Variants in RIN2 observed in about 807,000 individuals in gnomAD.
RIN2 encodes the protein Ras and Rab interactor 2.
In RIN2, 36 loss-of-function variants were observed where a neutral mutation model predicts 78.0. The observed-to-expected ratio is 0.46, with a 90% confidence interval of 0.35 to 0.61. The LOEUF (loss-of-function observed/expected upper bound fraction) is 0.61, where lower values mean the gene tolerates loss of function less well. RIN2 is among the 20% of genes least tolerant of loss of function. The pLI, the probability that RIN2 is intolerant of heterozygous loss-of-function variation, is 0.00. For missense variants in RIN2, 1,087 were observed against 1,159.7 expected (o/e 0.94, Z 0.91); for synonymous variants, 466 against 466.8 (o/e 1.00, Z 0.02).
At chr20:19,955,141 C>G (rs2041483101) in intron 4 of RIN2, among the ~76,000 whole-genome samples, 1 of 152,138 alleles carries the variant, frequency 6.6e-6, no homozygotes, top group African/African-American at 2.4e-5. Flanking sequence ...CTGGAGCCCA[C>G]TGATCTACTT....
chr20:19,829,434 G>A (rs752233292), intron 2 of RIN2, among the ~76,000 whole-genome samples: 1 of 152,182 alleles, frequency 6.6e-6, no homozygotes, highest in Non-Finnish European at 1.5e-5. Context: ...TGAGTTCACA[G>A]GAGCAACAGA....
intron 2 of RIN2, among the ~76,000 whole-genome samples, chr20:19,830,087 A>T (rs2036207274): frequency 6.6e-6 from 1 of 152,204 alleles, no homozygotes. Context: ...GATTTGGGGG[A>T]TACCCAAATG....
rs11476686 is a variant in RIN2 at position 19,911,056 on chromosome 20, ATT to A, written c.57+21408_57+21409del. On this transcript the variant is annotated intron_variant, in intron 3 of 12. Coordinates refer to ENST00000255006, the MANE Select transcript of RIN2 (RefSeq NM_018993.4). ...TATGCAGAATTATATAAATATGTAAATTTTTTTTTTTGAGACAAAGTTTCACT... is the reference window on the plus strand; with the variant it reads ...TATGCAGAATTATATAAATATGTAAATTTTTTTTTGAGACAAAGTTTCACT... Among the ~76,000 whole-genome samples, 12 of 149,108 alleles carry A rather than the reference ATT, an allele frequency of 8.0e-5. 1 individual carries two copies. Among genetic ancestry groups the A allele is most frequent in the East Asian group, 3.9e-4 (2 of 5,090 alleles).
At chr20:19,766,730 G>C (rs1477758847) in intron 1 of RIN2, among the ~76,000 whole-genome samples, 1 of 152,022 alleles carries the variant, frequency 6.6e-6, no homozygotes, top group African/African-American at 2.4e-5. Context: ...AGACCACCCT[G>C]GCCAATATGG....
chr20:19,907,129 G>T (rs1199606392), intron 3 of RIN2, among the ~76,000 whole-genome samples: 3 of 152,094 alleles, frequency 2.0e-5, no homozygotes, highest in Non-Finnish European at 4.4e-5. Flanking sequence ...AGAGAGAGAG[G>T]AAGGGCAGGA....
intron 2 of RIN2, among the ~76,000 whole-genome samples, chr20:19,885,211 AATAAAATAGC>A: frequency 6.7e-6 from 1 of 149,702 alleles, no homozygotes; most frequent in Non-Finnish European, 1.5e-5. Flanking sequence ...ACCTAAAGTA[AATAAAATAGC>A]ATAAAATAGG....
intron 1 of RIN2, among the ~76,000 whole-genome samples, chr20:19,795,420 G>A (rs536509893): frequency 2.8e-4 from 43 of 152,260 alleles, no homozygotes; most frequent in Non-Finnish European, 4.9e-4. Flanking sequence ...TTGACCAGTA[G>A]CATTTTGCCT....
intron 4 of RIN2, among the ~76,000 whole-genome samples, chr20:19,936,058 C>T (rs750183947): frequency 4.6e-5 from 7 of 152,152 alleles, no homozygotes; most frequent in Non-Finnish European, 1.0e-4. Flanking sequence ...GTTGTCCAGG[C>T]AAGTTTCAAA....
intron 4 of RIN2, among the ~76,000 whole-genome samples, chr20:19,941,770 C>A (rs887458213): frequency 2.6e-5 from 4 of 152,014 alleles, no homozygotes; most frequent in Admixed American, 6.6e-5. Flanking sequence ...GAGGGTTGAC[C>A]AACTCTTCGC....
In RIN2 at chr20:19,975,318, C is replaced by A. The variant is rs760422799; in HGVS notation, c.1293C>A (p.Asp431Glu). Residue 431 changes from aspartate (D) to glutamate (E), a missense_variant, in exon 9 of 13, where the codon GAC becomes GAA. This residue lies in a region of RIN2 where 706 missense variants were observed against 667.5 expected (regional missense o/e 1.06). Transcript: ENST00000255006. This position sits in a 1 kb window ranked among gnomAD's most constrained non-coding sequence, Gnocchi z 4.9. Reference sequence around the variant, plus strand: ...ATGGAGGCCGGCAGCGGCTGAGCGACATGAGCATTTCTACTTCCTCCTCCG... The same window carrying A: ...ATGGAGGCCGGCAGCGGCTGAGCGAAATGAGCATTTCTACTTCCTCCTCCG... Reference protein sequence around the residue: ...PCHGGRQRLSDMSISTSSSDS... With the variant: ...PCHGGRQRLSEMSISTSSSDS... The A allele has an allele frequency of 3.7e-6, 6 of 1,609,798 alleles. 1 individual carries two copies. In the South Asian group the frequency reaches 5.5e-5, roughly 15 times the overall value.
At chr20:19,844,629 T>TC (rs1555832206) in intron 2 of RIN2, among the ~76,000 whole-genome samples, 1 of 126,766 alleles carries the variant, frequency 7.9e-6, no homozygotes, top group African/African-American at 3.8e-5. Context: ...TTCTTCTTCT[T>TC]CTTCTTCTTC....
chr20:19,819,260 C>T (rs2035861439), intron 2 of RIN2, among the ~76,000 whole-genome samples: 1 of 152,222 alleles, frequency 6.6e-6, no homozygotes, highest in Non-Finnish European at 1.5e-5. Flanking sequence ...GGGCCCACTT[C>T]CTGGCTTGCA....
intron 2 of RIN2, among the ~76,000 whole-genome samples, chr20:19,863,063 G>A (rs114708218): frequency 1.1e-4 from 16 of 152,250 alleles, no homozygotes; most frequent in South Asian, 4.1e-4. Context: ...TAAGGTGAGC[G>A]TTTTCTCATA....
Position 20,001,362 on chromosome 20 carries a change from C to CTTTTTTTTTTTTTTTTTTTTTTTTTTTTT in RIN2, c.*452_*453insTTTTTTTTTTTTTTTTTTTTTTTTTTTTT, listed in dbSNP as rs57852545. The CTTTTTTTTTTTTTTTTTTTTTTTTTTTTT allele has an allele frequency of 2.1e-5, 2 of 94,238 alleles. No homozygotes were observed. Among genetic ancestry groups the CTTTTTTTTTTTTTTTTTTTTTTTTTTTTT allele is most frequent in the East Asian group, 7.8e-4 (2 of 2,576 alleles). The allele number at this position is 94,238 out of a possible 1,614,324, so 5.8% of individuals were successfully genotyped here. A position where few individuals can be genotyped will look rare whatever the true frequency, so the allele number is the denominator to read the frequency against. On this transcript the variant is annotated 3_prime_UTR_variant, in exon 13 of 13. Coordinates refer to ENST00000255006, the MANE Select transcript of RIN2 (RefSeq NM_018993.4). ...CCCTGCCTTCCTTCCTTTCTTTTTCCTTTTTTTTTTTTTTTTTTTTTTTTT... is the reference window on the plus strand; with the variant it reads ...CCCTGCCTTCCTTCCTTTCTTTTTCCTTTTTTTTTTTTTTTTTTTTTTTTTTTTTTTTTTTTTTTTTTTTTTTTTTTTTT...
chr20:19,780,883 G>A (rs903256895), intron 1 of RIN2, among the ~76,000 whole-genome samples: 1 of 152,220 alleles, frequency 6.6e-6, no homozygotes, highest in African/African-American at 2.4e-5. Context: ...TTTGTGCTGT[G>A]GCTTTACATG....
At chr20:19,843,223 TA>T (rs1315820456) in intron 2 of RIN2, among the ~76,000 whole-genome samples, 1 of 152,224 alleles carries the variant, frequency 6.6e-6, no homozygotes, top group Admixed American at 6.5e-5. Context: ...TAGAATATTT[TA>T]TAAACTTAGT....
intron 7 of RIN2, 111 bp from the exon 8 acceptor site, chr20:19,970,727 A>T: frequency 1.2e-6 from 1 of 833,504 alleles, no homozygotes; most frequent in Middle Eastern, 2.3e-4. Flanking sequence ...TATGGTGTCT[A>T]CTTAGGACAT....
chr20:19,878,545 C>T (rs1354191853), intron 2 of RIN2, among the ~76,000 whole-genome samples: 5 of 152,108 alleles, frequency 3.3e-5, no homozygotes, highest in African/African-American at 9.7e-5. Context: ...GCACATTTGT[C>T]GTGGTAGGAG....
intron 12 of RIN2, among the ~76,000 whole-genome samples, chr20:19,999,736 T>C (rs1036479539): frequency 2.0e-5 from 3 of 152,226 alleles, no homozygotes; most frequent in African/African-American, 7.2e-5. Context: ...TGTTTCATGA[T>C]AGCATGTACC....
Sources: gnomAD v4.1 joint callset for allele counts (sites outside exome capture counted in the v4.1 genomes callset) on GRCh38, gnomAD v4.1.1 for gene constraint, gnomAD v4.1.1 regional missense constraint, Gnocchi (gnomAD v3.1) non-coding constraint, MANE v1.5 for transcripts, NCBI Gene and HGNC (gene_info 2026-07-23, HGNC 2026-07-21) for gene names.